Variants in ANKRD12 observed in about 807,000 individuals in gnomAD.
The protein encoded by ANKRD12 is ankyrin repeat domain-containing protein 12.
ANKRD12 carries 85 observed loss-of-function variants against 183.4 expected under a neutral mutation model. The ratio of observed to expected loss-of-function variants is 0.46; its 90% CI spans 0.39 to 0.56. ANKRD12 has a LOEUF of 0.56. ANKRD12 is among the 20% of genes least tolerant of loss of function. ANKRD12 has a pLI of 0.00. For missense variants in ANKRD12, 2,405 were observed against 2,357.1 expected (o/e 1.02, Z -0.42); for synonymous variants, 914 against 800.2 (o/e 1.14, Z -2.40).
chr18:9,234,679 C>T (rs2037241905), intron 8 of ANKRD12, among the ~76,000 whole-genome samples: 1 of 152,086 alleles, frequency 6.6e-6, no homozygotes, highest in African/African-American at 2.4e-5. Context: ...AGTCTCCTGA[C>T]AGCTGGGCTG....
At chr18:9,146,104 C>T (rs1425410281) in intron 1 of ANKRD12, among the ~76,000 whole-genome samples, 1 of 152,174 alleles carries the variant, frequency 6.6e-6, no homozygotes, top group African/African-American at 2.4e-5. Context: ...TGCTGTAGAA[C>T]TCTTAGATTC....
chr18:9,203,001 TCTG>T (rs1267989694), intron 3 of ANKRD12, among the ~76,000 whole-genome samples: 1 of 152,244 alleles, frequency 6.6e-6, no homozygotes. Flanking sequence ...TAAAATAATA[TCTG>T]CTTTCAATAA....
chr18:9,262,786 C>CTTTTTTTTTTTTTTT lies in ANKRD12; in HGVS notation c.5665-1004_5665-1003insTTTTTTTTTTTTTTT, dbSNP rs775877613. On this transcript the variant is annotated intron_variant, in intron 9 of 12. Transcript: ENST00000262126. Reference sequence around the variant, plus strand: ...AGCCACCATGCCCAGCCAAGATGTCCCTTTTTTTTTTTTTTTTTTTTTTTT... The same window carrying CTTTTTTTTTTTTTTT: ...AGCCACCATGCCCAGCCAAGATGTCCTTTTTTTTTTTTTTTCTTTTTTTTTTTTTTTTTTTTTTTT... Among the ~76,000 whole-genome samples, 9 of 87,932 alleles carry CTTTTTTTTTTTTTTT rather than the reference C, an allele frequency of 1.0e-4. 4 individuals are homozygous for CTTTTTTTTTTTTTTT. Among genetic ancestry groups the CTTTTTTTTTTTTTTT allele is most frequent in the Non-Finnish European group, 9.0e-5 (4 of 44,262 alleles). The allele number at this position is 87,932 out of a possible 152,430, so 57.7% of individuals were successfully genotyped here.
chr18:9,174,169 G>A (rs948364538), intron 1 of ANKRD12, among the ~76,000 whole-genome samples: 3 of 152,136 alleles, frequency 2.0e-5, no homozygotes, highest in African/African-American at 7.2e-5. Flanking sequence ...AGAACAGCTG[G>A]GTCAACTGAA....
At chr18:9,253,214 A>G (rs1351639799) in intron 8 of ANKRD12, among the ~76,000 whole-genome samples, 5 of 152,130 alleles carry the variant, frequency 3.3e-5, no homozygotes, top group African/African-American at 1.2e-4. Context: ...AGGGCATTCT[A>G]ATTACTCTCT....
rs1282317813 is a variant in ANKRD12, at chr18:9,256,063, G to A, written c.2796G>A (p.Glu932=). The part of the protein sequence containing the change: ...LAESKEKHLM[E]KKNKQSDNSE... ...AAAGCAAAGAAAAGCACTTGATGGA[G>A]AAAAAAAATAAACAATCAGATAATA... is the stretch of plus-strand genomic sequence containing the variant. Residue 932 remains glutamate, a synonymous_variant, in exon 9 of 13, where the codon GAG becomes GAA. Transcript: ENST00000262126. The A allele has an allele frequency of 3.9e-6, 6 of 1,549,626 alleles. No homozygotes were observed. The highest frequency in any genetic ancestry group is 3.5e-6 in the Non-Finnish European group (4 of 1,154,482).
Position 9,148,284 on chromosome 18 carries a change from A to G in ANKRD12, c.-52+11319A>G, listed in dbSNP as rs556148175. ...TTGCAGATGAATATTTTATATACCT[A>G]CCTTAACAATTCTGGAGGGAGGGAA... On this transcript the variant is annotated intron_variant, in intron 1 of 12. Coordinates refer to ENST00000262126, the MANE Select transcript of ANKRD12 (RefSeq NM_015208.5). 1.4e-4 allele frequency among the ~76,000 whole-genome samples: 22 copies of G among 152,200 alleles called. No homozygotes were observed. In the South Asian group the frequency reaches 4.6e-3, roughly 32 times the overall value.
Position 9,208,651 on chromosome 18 carries a change from T to A in ANKRD12, c.305-6T>A. ...CAAATTCTTACATATTTGTTAATAA[T>A]TCCAGAGAAAGAAGGTCCAGAAAAG... On this transcript the variant is annotated splice_polypyrimidine_tract_variant and splice_region_variant and intron_variant, in intron 4 of 12. Transcript: ENST00000262126. 6.3e-7 allele frequency: 1 copy of A among 1,593,894 alleles called. No individual in the cohort carries two copies. Among genetic ancestry groups the A allele is most frequent in the Non-Finnish European group, 8.5e-7 (1 of 1,173,422 alleles).
rs1027344188 is a variant in ANKRD12 at position 9,271,390 on chromosome 18, C to T, written c.5764-4134C>T. 8.5e-5 allele frequency among the ~76,000 whole-genome samples: 13 copies of T among 152,140 alleles called. No homozygotes were observed. In the South Asian group the frequency reaches 1.2e-3, roughly 15 times the overall value. On this transcript the variant is annotated intron_variant, in intron 10 of 12. Coordinates refer to ENST00000262126, the MANE Select transcript of ANKRD12 (RefSeq NM_015208.5). ...AATACAAAAAATTAGACGGGTGTGGCGGCACACGCGTTTAGCAACTCGGGA... is the reference window on the plus strand; with the variant it reads ...AATACAAAAAATTAGACGGGTGTGGTGGCACACGCGTTTAGCAACTCGGGA...
In ANKRD12 at chr18:9,257,684, CTGCCAGGAAACTCTTG is replaced by C; in HGVS notation, c.4421_4436del (p.Pro1474LeufsTer57). 6.2e-7 allele frequency: 1 copy of C among 1,614,076 alleles called. No individual in the cohort carries two copies. Among genetic ancestry groups the C allele is most frequent in the Non-Finnish European group, 8.5e-7 (1 of 1,179,988 alleles). ...TTTTTTATCCCTGCGCCAGACTGAA[CTGCCAGGAAACTCTTG>C]TGCTCAGGATCCGGCATCCTTTATG... On this transcript the variant is annotated frameshift_variant, in exon 9 of 13. Coordinates refer to ENST00000262126, the MANE Select transcript of ANKRD12 (RefSeq NM_015208.5). LOFTEE classifies it high-confidence loss of function.
At chr18:9,280,579 A>G (rs2040065055) in intron 12 of ANKRD12, among the ~76,000 whole-genome samples, 2 of 152,224 alleles carry the variant, frequency 1.3e-5, no homozygotes, top group African/African-American at 2.4e-5. Flanking sequence ...ACCTGAGGTC[A>G]GGAGTTCAAA....
chr18:9,192,392 G>T (rs1312678098), intron 2 of ANKRD12, among the ~76,000 whole-genome samples: 1 of 152,120 alleles, frequency 6.6e-6, no homozygotes, highest in Non-Finnish European at 1.5e-5. Context: ...CTCTAGATGA[G>T]CCCTGCTTGA....
intron 10 of ANKRD12, among the ~76,000 whole-genome samples, chr18:9,270,411 C>T (rs2039531794): frequency 6.6e-6 from 1 of 152,180 alleles, no homozygotes; most frequent in South Asian, 2.1e-4. Flanking sequence ...GGCACATATA[C>T]ACCGTGCAAT....
rs566391617 is a variant in ANKRD12, at chr18:9,184,708, A to G, written c.87+2189A>G. On this transcript the variant is annotated intron_variant, in intron 2 of 12. Transcript: ENST00000262126. ...TTTTAATAAGTAGCTTTATTGAGATATAATTCGCATGCCATACATTTAAAG... is the reference window on the plus strand; with the variant it reads ...TTTTAATAAGTAGCTTTATTGAGATGTAATTCGCATGCCATACATTTAAAG... Among the ~76,000 whole-genome samples the G allele has an allele frequency of 2.0e-5, 3 of 152,186 alleles. No homozygotes were observed. The East Asian group carries it at 5.8e-4, about 29-fold the overall frequency.
At chr18:9,223,374 C>T (rs1419414388) in intron 8 of ANKRD12, among the ~76,000 whole-genome samples, 1 of 151,934 alleles carries the variant, frequency 6.6e-6, no homozygotes, top group African/African-American at 2.4e-5. Context: ...CTGCCTCAGC[C>T]TCCCCCGAGT....
chr18:9,154,566 A>G (rs938432329), intron 1 of ANKRD12, among the ~76,000 whole-genome samples: 8 of 152,162 alleles, frequency 5.3e-5, no homozygotes, highest in Non-Finnish European at 8.8e-5. Flanking sequence ...TTAAAAAACA[A>G]CAACAACACA....
chr18:9,185,615 T>TAA (rs1167972790), intron 2 of ANKRD12, among the ~76,000 whole-genome samples: 2 of 152,138 alleles, frequency 1.3e-5, no homozygotes, highest in Non-Finnish European at 2.9e-5. Flanking sequence ...GGATTGGAAA[T>TAA]AAATATATGA....
chr18:9,196,353 A>G (rs1269011341), intron 3 of ANKRD12, among the ~76,000 whole-genome samples: 1 of 152,172 alleles, frequency 6.6e-6, no homozygotes, highest in African/African-American at 2.4e-5. Flanking sequence ...ATTGCTATCT[A>G]ATAAATTACT....
In ANKRD12 at chr18:9,157,580, T is replaced by TGG. The variant is rs1400824620; in HGVS notation, c.-52+20616_-52+20617insGG. Reference sequence around the variant, plus strand: ...GTGTGTGTGTGTGTGTGTGTGTGTGTGTGTGTATATATATATATATGTATT... The same window carrying TGG: ...GTGTGTGTGTGTGTGTGTGTGTGTGTGGGTGTGTATATATATATATATGTATT... On this transcript the variant is annotated intron_variant, in intron 1 of 12. Coordinates refer to ENST00000262126, the MANE Select transcript of ANKRD12 (RefSeq NM_015208.5). Among the ~76,000 whole-genome samples, 3 of 121,348 alleles carry TGG rather than the reference T, an allele frequency of 2.5e-5. No homozygotes were observed. In the Admixed American group the frequency reaches 2.5e-4, roughly 10 times the overall value. 79.6% of individuals were successfully genotyped at this position (121,348 alleles called of 152,430 possible). A position where few individuals can be genotyped will look rare whatever the true frequency, so the allele number is the denominator to read the frequency against.
Sources: allele counts gnomAD v4.1 joint callset (sites outside exome capture counted in the v4.1 genomes callset), GRCh38; gene constraint gnomAD v4.1.1; transcripts MANE v1.5; gene names NCBI Gene and HGNC (gene_info 2026-07-23, HGNC 2026-07-21).